The following SIK3 variants were observed in gnomAD, a reference collection of about 807,000 sequenced individuals.
SIK3 encodes the protein SIK family kinase 3.
SIK3 carries 28 observed loss-of-function variants against 144.2 expected under a neutral mutation model. The ratio of observed to expected loss-of-function variants is 0.19; its 90% CI spans 0.14 to 0.27. The LOEUF (loss-of-function observed/expected upper bound fraction) is 0.27, where lower values mean the gene tolerates loss of function less well. Among genes scored for constraint, SIK3 ranks in the 10% least tolerant of loss-of-function variants. The pLI, the probability that SIK3 is intolerant of heterozygous loss-of-function variation, is 1.00. For synonymous variants in SIK3, 686 were observed against 676.3 expected, an observed-to-expected ratio of 1.01 and a Z score of -0.22; for missense variants, 1,319 against 1,776.0, an observed-to-expected ratio of 0.74 and a Z score of 4.62.
At chr11:116,978,566 T>C (rs1489341958) in intron 1 of SIK3, among the ~76,000 whole-genome samples, 3 of 152,150 alleles carry the variant, frequency 2.0e-5, no homozygotes, top group Non-Finnish European at 4.4e-5. Context: ...TGGAGTGATA[T>C]GAGCATAACT....
chr11:117,052,951 T>A (rs181538268), intron 1 of SIK3, among the ~76,000 whole-genome samples: 1 of 152,336 alleles, frequency 6.6e-6, no homozygotes, highest in East Asian at 1.9e-4. Context: ...GATTGTTTAC[T>A]GGGTCCCACT....
chr11:116,925,524 C>T (rs1236815558), intron 4 of SIK3, among the ~76,000 whole-genome samples: 6 of 152,172 alleles, frequency 3.9e-5, no homozygotes, highest in Non-Finnish European at 5.9e-5. Context: ...TAACTTTCAC[C>T]CTGTGAGACC....
At chr11:116,876,124 C>T in intron 8 of SIK3, 115 bp from the exon 9 acceptor site, 1 of 1,517,422 alleles carries the variant, frequency 6.6e-7, no homozygotes, top group East Asian at 2.3e-5. Flanking sequence ...TTTCCAAGGC[C>T]CAGGAAGGGG....
chr11:117,069,373 G>A (rs998929813), intron 1 of SIK3, among the ~76,000 whole-genome samples: 2 of 151,884 alleles, frequency 1.3e-5, no homozygotes, highest in East Asian at 3.9e-4. Context: ...GACACATTCC[G>A]TCATCCATAT....
intron 23 of SIK3, 150 bp downstream of exon 23, chr11:116,847,326 G>A (rs1253724539): frequency 9.1e-7 from 1 of 1,102,472 alleles, no homozygotes. Flanking sequence ...GGGAAGACCA[G>A]TGGGGAAAGG....
intron 3 of SIK3, among the ~76,000 whole-genome samples, chr11:116,945,771 A>G (rs1948561006): frequency 6.6e-6 from 1 of 152,092 alleles, no homozygotes; most frequent in Non-Finnish European, 1.5e-5. Flanking sequence ...AAAATCACTC[A>G]ATTCTGTATA....
rs188121164 is a variant in SIK3, at chr11:117,048,206, A to C, written c.273+49937T>G. ...CTTTCACATCACAAGCATACAGGTTAACTTGAGAAAAACCAGAAAGCTATT... is the reference window on the plus strand; with the variant it reads ...CTTTCACATCACAAGCATACAGGTTCACTTGAGAAAAACCAGAAAGCTATT... On this transcript the variant is annotated intron_variant, in intron 1 of 24. Coordinates refer to ENST00000445177, the MANE Select transcript of SIK3 (RefSeq NM_001366686.3). Among the ~76,000 whole-genome samples the C allele has an allele frequency of 2.6e-5, 4 of 152,356 alleles. No homozygotes were observed. The East Asian group carries it at 5.8e-4, about 22-fold the overall frequency.
chr11:117,038,457 A>C (rs1952606208), intron 1 of SIK3, among the ~76,000 whole-genome samples: 5 of 151,394 alleles, frequency 3.3e-5, no homozygotes, highest in Admixed American at 6.6e-5. Context: ...CCCAGGTTCA[A>C]GCGATTCTCC....
chr11:117,074,540 G>C, intron 1 of SIK3, among the ~76,000 whole-genome samples: 1 of 152,232 alleles, frequency 6.6e-6, no homozygotes, highest in East Asian at 1.9e-4. Flanking sequence ...AGTATAGCAA[G>C]TTTCTATTAT....
intron 1 of SIK3, among the ~76,000 whole-genome samples, chr11:117,003,252 A>G (rs1039837403): frequency 6.6e-6 from 1 of 152,192 alleles, no homozygotes; most frequent in Non-Finnish European, 1.5e-5. Flanking sequence ...GAATTGACCA[A>G]GCTGCATGTG....
At chr11:117,077,433 C>T (rs1441450110) in intron 1 of SIK3, among the ~76,000 whole-genome samples, 2 of 152,198 alleles carry the variant, frequency 1.3e-5, no homozygotes, top group African/African-American at 4.8e-5. Flanking sequence ...GTTAAGCCTA[C>T]AAAAGCTTTC....
chr11:116,938,622 GGAGGAGAGGAGAGGAGAGGA>G (rs1180127256), intron 3 of SIK3, among the ~76,000 whole-genome samples: 3 of 34,440 alleles, frequency 8.7e-5, no homozygotes, highest in East Asian at 9.3e-4. Context: ...AGAGGGGAGG[GGAGGAGAGGAGAGGAGAGGA>G]GAGGAGAGGA....
At chr11:116,930,466 A>G (rs1487869037) in intron 3 of SIK3, among the ~76,000 whole-genome samples, 1 of 152,242 alleles carries the variant, frequency 6.6e-6, no homozygotes, top group African/African-American at 2.4e-5. Context: ...ACTTTCAGTG[A>G]AGAAATCCAG....
intron 1 of SIK3, among the ~76,000 whole-genome samples, chr11:117,011,410 T>G (rs1242600756): frequency 6.6e-6 from 1 of 152,148 alleles, no homozygotes; most frequent in Non-Finnish European, 1.5e-5. Flanking sequence ...CAAGAGATGA[T>G]TTGGGATGAG....
intron 3 of SIK3, among the ~76,000 whole-genome samples, chr11:116,941,029 C>T (rs1158538514): frequency 1.3e-5 from 2 of 151,928 alleles, no homozygotes; most frequent in Non-Finnish European, 2.9e-5. Context: ...TTTTTTGAGA[C>T]GGAGCCTCGC....
intron 7 of SIK3, 37 bp from the exon 8 acceptor site, chr11:116,876,400 A>G (rs1191340656): frequency 9.4e-6 from 14 of 1,496,600 alleles, no homozygotes; most frequent in Non-Finnish European, 1.3e-5. Flanking sequence ...CAACCCCCCA[A>G]TTAACCACAT....
At chr11:116,861,522 G>T in intron 18 of SIK3, 139 bp from the exon 19 acceptor site, 1 of 654,134 alleles carries the variant, frequency 1.5e-6, no homozygotes, top group Non-Finnish European at 2.6e-6. Flanking sequence ...ATATACATAA[G>T]CCATCCACCA....
chr11:117,011,246 A>C (rs1951241592), intron 1 of SIK3, among the ~76,000 whole-genome samples: 1 of 152,204 alleles, frequency 6.6e-6, no homozygotes, highest in Non-Finnish European at 1.5e-5. Context: ...CAGAAGCTGC[A>C]AACTTTCTGC....
rs1484305009 is a variant in SIK3 at position 116,907,505 on chromosome 11, G to T, written c.617-10188C>A. ...CTACTAAAAATAAAAAATTAGCCAG[G>T]TGTGGTGGCAGGTGCCTGAAATCCC... On this transcript the variant is annotated intron_variant, in intron 4 of 24. Transcript: ENST00000445177. Among the ~76,000 whole-genome samples, 6 of 152,274 alleles carry T rather than the reference G, an allele frequency of 3.9e-5. No homozygotes were observed. The South Asian group carries it at 1.2e-3, about 32-fold the overall frequency.
Sources: allele counts gnomAD v4.1 joint callset (sites outside exome capture counted in the v4.1 genomes callset), GRCh38; gene constraint gnomAD v4.1.1; transcripts MANE v1.5; gene names NCBI Gene and HGNC (gene_info 2026-07-23, HGNC 2026-07-21).